Variants in GSKIP observed in about 807,000 individuals in gnomAD.
GSKIP encodes GSK3B interacting protein.
GSKIP carries 5 observed loss-of-function variants against 11.9 expected under a neutral mutation model. That is an observed-to-expected ratio of 0.42 (90% CI 0.22 to 0.89). The LOEUF is 0.89. Ranked by LOEUF, GSKIP falls within the 40% of genes least tolerant of loss-of-function variation. The pLI, the probability that GSKIP is intolerant of heterozygous loss-of-function variation, is 0.29. For synonymous variants in GSKIP, 70 were observed against 62.9 expected (o/e 1.11, Z -0.54); for missense variants, 150 against 166.6 (o/e 0.90, Z 0.55).
intron 2 of GSKIP, among the ~76,000 whole-genome samples, chr14:96,381,596 T>C (rs1889344778): frequency 6.6e-6 from 1 of 152,240 alleles, no homozygotes; most frequent in Non-Finnish European, 1.5e-5. Flanking sequence ...TTTAGATTTA[T>C]TTCCATTTCT....
chr14:96,368,668 C>T (rs549500180), intron 1 of GSKIP, among the ~76,000 whole-genome samples: 1 of 152,178 alleles, frequency 6.6e-6, no homozygotes, highest in South Asian at 2.1e-4. Flanking sequence ...GGGGTGGATC[C>T]CTCATGAATG....
Position 96,386,827 on chromosome 14 carries a change from T to C in GSKIP, c.*1143T>C, listed in dbSNP as rs1889502536. On this transcript the variant is annotated 3_prime_UTR_variant, in exon 4 of 4. Transcript: ENST00000555181. ...ATGCTGCTGCATGTTTTCAAGTACA[T>C]GTTGAACAGTAAGGATTGGGGAGTT... 1 of 152,680 alleles carries C rather than the reference T, an allele frequency of 6.5e-6. No homozygotes were observed. Among genetic ancestry groups the C allele is most frequent in the Non-Finnish European group, 1.5e-5 (1 of 68,054 alleles). 9.5% of individuals were successfully genotyped at this position (152,680 alleles called of 1,614,324 possible). A position where few individuals can be genotyped will look rare whatever the true frequency, so the allele number is the denominator to read the frequency against.
At chr14:96,383,610 T>G (rs1889408313) in intron 3 of GSKIP, among the ~76,000 whole-genome samples, 1 of 152,224 alleles carries the variant, frequency 6.6e-6, no homozygotes, top group Non-Finnish European at 1.5e-5. Flanking sequence ...TGTCACATGA[T>G]ATCAAGTACA....
chr14:96,378,377 T>C (rs918118041), intron 1 of GSKIP, among the ~76,000 whole-genome samples: 10 of 152,074 alleles, frequency 6.6e-5, no homozygotes, highest in African/African-American at 2.4e-4. Flanking sequence ...AAAGAAGTCA[T>C]TTGAATGTTT....
At chr14:96,369,226 C>T (rs556239763) in intron 1 of GSKIP, among the ~76,000 whole-genome samples, 37 of 152,212 alleles carry the variant, frequency 2.4e-4, no homozygotes, top group African/African-American at 4.8e-4. Flanking sequence ...CAAGAAGTGG[C>T]GTGGCTGCTT....
At position 96,386,370 on chromosome 14, in the gene GSKIP, C is replaced by G. The variant is rs1002358357; in HGVS notation, c.*686C>G. 6.6e-6 allele frequency: 1 copy of G among 152,564 alleles called. No homozygotes were observed. The highest frequency in any genetic ancestry group is 2.4e-5 in the African/African-American group (1 of 41,430). 9.5% of individuals were successfully genotyped at this position (152,564 alleles called of 1,614,324 possible). On this transcript the variant is annotated 3_prime_UTR_variant, in exon 4 of 4. Coordinates refer to ENST00000555181, the MANE Select transcript of GSKIP (RefSeq NM_016472.5). ...AAATGAATGTAATAATTACTCATTT[C>G]CAAGATATCTAAGCACATAAGCAAA...
intron 1 of GSKIP, among the ~76,000 whole-genome samples, chr14:96,376,330 T>G (rs1191813523): frequency 7.6e-6 from 1 of 130,878 alleles, no homozygotes; most frequent in Non-Finnish European, 1.8e-5. Flanking sequence ...TGTGCTGACC[T>G]TTGCTTATGC....
chr14:96,368,184 CTTT>C (rs398057422), intron 1 of GSKIP, among the ~76,000 whole-genome samples: 10 of 133,434 alleles, frequency 7.5e-5, no homozygotes, highest in South Asian at 2.4e-4. Flanking sequence ...TATTGCTACT[CTTT>C]TTTTTTTTTT....
At chr14:96,376,022 T>C (rs748990077) in intron 1 of GSKIP, among the ~76,000 whole-genome samples, 4 of 152,218 alleles carry the variant, frequency 2.6e-5, no homozygotes, top group Non-Finnish European at 4.4e-5. Flanking sequence ...TTTTTGGTGC[T>C]GCCACGTTGC....
rs8011935 is a variant in GSKIP at position 96,378,645 on chromosome 14, A to G, written c.-102-1043A>G. ...ATCCAAAGATTTTGGATATTTATCT[A>G]TAAAGCTTTTATTAAGCACTTTCTA... On this transcript the variant is annotated intron_variant, in intron 1 of 3. Transcript: ENST00000555181. 6.3e-3 allele frequency among the ~76,000 whole-genome samples: 959 copies of G among 152,318 alleles called. 24 individuals are homozygous for G. Among genetic ancestry groups the G allele is most frequent in the South Asian group, 0.059 (285 of 4,830 alleles).
intron 1 of GSKIP, among the ~76,000 whole-genome samples, chr14:96,371,401 T>C (rs936186469): frequency 1.3e-5 from 2 of 151,730 alleles, no homozygotes. Context: ...CTTTTCACCA[T>C]AGGAAAATTA....
intron 1 of GSKIP, chr14:96,378,861 C>A (rs984778752): frequency 6.6e-6 from 1 of 152,218 alleles, no homozygotes; most frequent in African/African-American, 2.4e-5. Flanking sequence ...CTGAAAAGTG[C>A]AAATCCTGGG....
chr14:96,375,633 C>A (rs547506864), intron 1 of GSKIP, among the ~76,000 whole-genome samples: 257 of 152,186 alleles, frequency 1.7e-3, no homozygotes, highest in Non-Finnish European at 2.6e-3. Flanking sequence ...GGGGTTTCAC[C>A]ATATTGGCCA....
intron 1 of GSKIP, among the ~76,000 whole-genome samples, chr14:96,376,488 G>C (rs1889206974): frequency 6.6e-6 from 1 of 152,156 alleles, no homozygotes; most frequent in Admixed American, 6.5e-5. Context: ...ATAGATTATA[G>C]AATGTCAAAG....
chr14:96,386,629 A>G lies in GSKIP; in HGVS notation c.*945A>G, dbSNP rs891052483. On this transcript the variant is annotated 3_prime_UTR_variant, in exon 4 of 4. Transcript: ENST00000555181. ...TACAGCACCCCACCTTCCCCAACAGATGTACAGTGTTCTGTCTCCATTCGA... is the reference window on the plus strand; with the variant it reads ...TACAGCACCCCACCTTCCCCAACAGGTGTACAGTGTTCTGTCTCCATTCGA... 6.6e-6 allele frequency: 1 copy of G among 152,630 alleles called. No homozygotes were observed. The highest frequency in any genetic ancestry group is 1.5e-5 in the Non-Finnish European group (1 of 68,038). 9.5% of individuals were successfully genotyped at this position (152,630 alleles called of 1,614,324 possible).
At chr14:96,367,836 C>T (rs1888934628) in intron 1 of GSKIP, among the ~76,000 whole-genome samples, 1 of 152,194 alleles carries the variant, frequency 6.6e-6, no homozygotes, top group Non-Finnish European at 1.5e-5. Flanking sequence ...TCAGGTGATA[C>T]AACCTACCAG....
chr14:96,376,308 C>T (rs74419877), intron 1 of GSKIP, among the ~76,000 whole-genome samples: 1,575 of 151,342 alleles, frequency 0.01, 85 homozygotes, highest in Admixed American at 0.093. Flanking sequence ...CCGACTAGTT[C>T]CTGCCACACC....
At chr14:96,377,680 A>G (rs747619319) in intron 1 of GSKIP, among the ~76,000 whole-genome samples, 8 of 152,228 alleles carry the variant, frequency 5.3e-5, no homozygotes, top group Non-Finnish European at 1.2e-4. Context: ...GTCGGTCAAC[A>G]TAGCAACCTA....
intron 1 of GSKIP, among the ~76,000 whole-genome samples, chr14:96,366,914 A>T (rs1888901901): frequency 6.6e-6 from 1 of 152,170 alleles, no homozygotes; most frequent in Non-Finnish European, 1.5e-5. Context: ...AAAGCCAAGG[A>T]GATGTATTTG....
Sources: allele counts gnomAD v4.1 joint callset (sites outside exome capture counted in the v4.1 genomes callset), GRCh38; gene constraint gnomAD v4.1.1; transcripts MANE v1.5; gene names NCBI Gene and HGNC (gene_info 2026-07-23, HGNC 2026-07-21).